Variants in AKT2 observed in about 807,000 individuals in gnomAD.
The protein encoded by AKT2 is RAC-beta serine/threonine-protein kinase.
AKT2 carries 16 observed loss-of-function variants against 58.6 expected under a neutral mutation model. The ratio of observed to expected loss-of-function variants is 0.27; its 90% CI spans 0.18 to 0.41. The LOEUF (loss-of-function observed/expected upper bound fraction) is 0.41, where lower values mean the gene tolerates loss of function less well. Ranked by LOEUF, AKT2 falls within the 10% of genes least tolerant of loss-of-function variation. The pLI, the probability that AKT2 is intolerant of heterozygous loss-of-function variation, is 1.00. For missense variants in AKT2, 438 were observed against 661.0 expected, an observed-to-expected ratio of 0.66 and a Z score of 3.70; for synonymous variants, 253 against 254.0, an observed-to-expected ratio of 1.00 and a Z score of 0.04.
intron 1 of AKT2, among the ~76,000 whole-genome samples, chr19:40,270,235 GTA>G (rs1976612209): frequency 6.6e-6 from 1 of 152,166 alleles, no homozygotes; most frequent in Non-Finnish European, 1.5e-5. Flanking sequence ...CGATGTTACT[GTA>G]TGTGTTTGCT....
rs1442171960 is a variant in AKT2 at position 40,237,863 on chromosome 19, T to A, written c.831+106A>T. The A allele has an allele frequency of 5.9e-6, 9 of 1,521,850 alleles. No homozygotes were observed. The highest frequency in any genetic ancestry group is 2.1e-4 in the Middle Eastern group (1 of 4,842). 94.3% of individuals were successfully genotyped at this position (1,521,850 alleles called of 1,614,324 possible). A position where few individuals can be genotyped will look rare whatever the true frequency, so the allele number is the denominator to read the frequency against. On this transcript the variant is annotated intron_variant, in intron 9 of 13. Coordinates refer to ENST00000392038, the MANE Select transcript of AKT2 (RefSeq NM_001626.6). This position sits in a 1 kb window ranked among gnomAD's most constrained non-coding sequence, Gnocchi z 4.5. The stretch of plus-strand genomic sequence containing the variant: ...GGGCAGCCACCACCCTGGACCTTGG[T>A]GGGGAGCCTGGCGAATGAGGGCAGA...
rs2145362239 is a variant in AKT2, at chr19:40,265,115, T to G, written c.46+107A>C. The G allele has an allele frequency of 3.3e-6, 5 of 1,510,798 alleles. No individual in the cohort carries two copies. The South Asian group carries it at 6.0e-5, about 18-fold the overall frequency. The allele number at this position is 1,510,798 out of a possible 1,614,324, so 93.6% of individuals were successfully genotyped here. On this transcript the variant is annotated intron_variant, in intron 2 of 13. Transcript: ENST00000392038. ...CTGTGGGCCTGGGGCTGCGGAATGC[T>G]GGCTCCTCAGGCTGGTAAGACCCTC... is the stretch of plus-strand genomic sequence containing the variant.
Position 40,242,082 on chromosome 19 carries a change from G to T in AKT2, c.442-13C>A, listed in dbSNP as rs369749998. 2 of 1,614,158 alleles carry T rather than the reference G, an allele frequency of 1.2e-6. No homozygotes were observed. The highest frequency in any genetic ancestry group is 2.7e-5 in the African/African-American group (2 of 75,074). ...AGTCATTCATGGTCTGCCAGGGACA[G>T]GGAGAGTGGGGGCAGTCAGCGCCTG... On this transcript the variant is annotated splice_polypyrimidine_tract_variant and intron_variant, in intron 5 of 13. Transcript: ENST00000392038. This position sits in a 1 kb window ranked among gnomAD's most constrained non-coding sequence, Gnocchi z 4.3.
At chr19:40,246,193 C>T (rs1009764754) in intron 4 of AKT2, among the ~76,000 whole-genome samples, 2 of 151,694 alleles carry the variant, frequency 1.3e-5, no homozygotes, top group Non-Finnish European at 2.9e-5. Context: ...GACAGAGTCT[C>T]GCTTTGCTGC....
At chr19:40,241,702 G>GCT (rs1974417359) in intron 6 of AKT2, 5 of 594,110 alleles carry the variant, frequency 8.4e-6, no homozygotes, top group Non-Finnish European at 1.1e-5. Flanking sequence ...GGGCCCCGAG[G>GCT]CTCTCTCTCT....
intron 1 of AKT2, chr19:40,270,757 A>C (rs2077196902): frequency 6.6e-6 from 1 of 152,314 alleles, no homozygotes; most frequent in Non-Finnish European, 1.5e-5. Flanking sequence ...TCACGCGTGT[A>C]ATCCCAGCAC....
intron 1 of AKT2, 61 bp downstream of exon 1, chr19:40,285,120 G>A (rs1167038956): frequency 1.3e-5 from 5 of 389,208 alleles, no homozygotes; most frequent in Non-Finnish European, 9.1e-6. Context: ...GCGGCACCGC[G>A]GGGGGCCCGG....
chr19:40,248,194 C>G lies in AKT2; in HGVS notation c.288-5507G>C, dbSNP rs79091119. On this transcript the variant is annotated intron_variant, in intron 4 of 13. Coordinates refer to ENST00000392038, the MANE Select transcript of AKT2 (RefSeq NM_001626.6). ...CAGGTTGTATGCCCTTCCTGTGCCTCGGTGGGTGAGGCACTAGAGGGTCCT... is the reference window on the plus strand; with the variant it reads ...CAGGTTGTATGCCCTTCCTGTGCCTGGGTGGGTGAGGCACTAGAGGGTCCT... Among the ~76,000 whole-genome samples, 3 of 152,278 alleles carry G rather than the reference C, an allele frequency of 2.0e-5. No homozygotes were observed. In the East Asian group the frequency reaches 5.8e-4, roughly 29 times the overall value.
chr19:40,267,752 G>T (rs748988781), intron 1 of AKT2, among the ~76,000 whole-genome samples: 1 of 152,112 alleles, frequency 6.6e-6, no homozygotes, highest in Admixed American at 6.6e-5. Context: ...CCTAGACCCC[G>T]GATGGTACCA....
chr19:40,247,189 T>G (rs907379852), intron 4 of AKT2, among the ~76,000 whole-genome samples: 2 of 152,164 alleles, frequency 1.3e-5, no homozygotes, highest in African/African-American at 4.8e-5. Context: ...TCTCAAGGGT[T>G]TGCAACATGG....
chr19:40,255,017 A>G (rs1448930181), intron 4 of AKT2, 141 bp downstream of exon 4: 2 of 681,422 alleles, frequency 2.9e-6, no homozygotes, highest in Non-Finnish European at 5.4e-6. Flanking sequence ...TCTCAGCCCC[A>G]GCTGGAGAGA....
chr19:40,240,260 A>G, intron 6 of AKT2, 150 bp from the exon 7 acceptor site: 1 of 886,954 alleles, frequency 1.1e-6, no homozygotes, highest in Non-Finnish European at 1.9e-6. Context: ...AAGCCTGCAA[A>G]CCCTCAGCAA....
chr19:40,262,882 A>G (rs1263033557), intron 2 of AKT2, among the ~76,000 whole-genome samples: 3 of 152,172 alleles, frequency 2.0e-5, no homozygotes, highest in Non-Finnish European at 2.9e-5. Context: ...GGGGTGGTAC[A>G]GGTCCCAAAA....
At chr19:40,261,636 G>A (rs1399633738) in intron 2 of AKT2, among the ~76,000 whole-genome samples, 2 of 151,678 alleles carry the variant, frequency 1.3e-5, no homozygotes, top group South Asian at 2.1e-4. Context: ...CCTGAATCTC[G>A]GACTTCCCTA....
chr19:40,265,019 T>C (rs1029447784), intron 2 of AKT2, among the ~76,000 whole-genome samples: 5 of 152,218 alleles, frequency 3.3e-5, no homozygotes, highest in Non-Finnish European at 4.4e-5. Flanking sequence ...AGATCACTCA[T>C]GCACAGTCAG....
chr19:40,235,236 C>A lies in AKT2; in HGVS notation c.1263+27G>T, dbSNP rs765112929. 3 of 1,613,964 alleles carry A rather than the reference C, an allele frequency of 1.9e-6. No individual in the cohort carries two copies. Among genetic ancestry groups the A allele is most frequent in the Middle Eastern group, 1.6e-4 (1 of 6,062 alleles). The stretch of plus-strand genomic sequence containing the variant: ...ACGAGTGGGCCAGGTCCCTGAGGGT[C>A]CTGCTGGGGCAAGCAGTGGGGCTCA... On this transcript the variant is annotated intron_variant, in intron 12 of 13. Transcript: ENST00000392038. This position sits in a 1 kb window ranked among gnomAD's most constrained non-coding sequence, Gnocchi z 6.3.
At chr19:40,277,998 C>T (rs2077357474) in intron 1 of AKT2, among the ~76,000 whole-genome samples, 1 of 152,186 alleles carries the variant, frequency 6.6e-6, no homozygotes, top group Admixed American at 6.5e-5. Flanking sequence ...CTGGGCCCCC[C>T]TTGGGAGGGG....
chr19:40,258,870 C>A (rs145161334), intron 2 of AKT2, among the ~76,000 whole-genome samples: 2 of 152,232 alleles, frequency 1.3e-5, no homozygotes, highest in East Asian at 3.9e-4. Context: ...TATCAAAATT[C>A]CAACAGGCTT....
At chr19:40,247,865 G>A (rs1167032964) in intron 4 of AKT2, among the ~76,000 whole-genome samples, 2 of 152,060 alleles carry the variant, frequency 1.3e-5, no homozygotes, top group Non-Finnish European at 2.9e-5. Flanking sequence ...CACAAGAAGT[G>A]CCCAGGCACT....
Sources: gnomAD v4.1 joint callset for allele counts (sites outside exome capture counted in the v4.1 genomes callset) on GRCh38, gnomAD v4.1.1 for gene constraint, Gnocchi (gnomAD v3.1) non-coding constraint, MANE v1.5 for transcripts, NCBI Gene and HGNC (gene_info 2026-07-23, HGNC 2026-07-21) for gene names.